PCDHGA1: variants seen among roughly 807,000 people sequenced by gnomAD.
PCDHGA1 encodes the protein protocadherin gamma-A1.
A neutral mutation model predicts 58.0 loss-of-function variants in PCDHGA1; 32 were observed. That is an observed-to-expected ratio of 0.55 (90% CI 0.42 to 0.74). The LOEUF (loss-of-function observed/expected upper bound fraction) is 0.74. Among genes scored for constraint, PCDHGA1 ranks in the 30% least tolerant of loss-of-function variants. PCDHGA1 has a pLI of 0.00. For missense variants in PCDHGA1, 1,205 were observed against 1,182.3 expected (o/e 1.02, Z -0.28); for synonymous variants, 498 against 501.1 (o/e 0.99, Z 0.08).
chr5:141,345,003 G>A, intron 1 of PCDHGA1: 1 of 1,613,918 alleles, frequency 6.2e-7, no homozygotes, highest in African/African-American at 1.3e-5. Flanking sequence ...AGCACAGGAT[G>A]GACCAGGTCT....
At chr5:141,398,284 G>A (rs1462851627) in intron 1 of PCDHGA1, 1 of 1,400,106 alleles carries the variant, frequency 7.1e-7, no homozygotes, top group Non-Finnish European at 9.8e-7. Flanking sequence ...CCTCGCCACG[G>A]ACCTGGGGTT....
intron 1 of PCDHGA1, among the ~76,000 whole-genome samples, chr5:141,347,877 T>C (rs1203882325): frequency 2.0e-5 from 3 of 152,196 alleles, no homozygotes; most frequent in Non-Finnish European, 2.9e-5. Flanking sequence ...TGTGTATTCA[T>C]TTTGATTTCA....
intron 1 of PCDHGA1, chr5:141,409,177 T>C: frequency 3.1e-6 from 5 of 1,613,944 alleles, no homozygotes; most frequent in Non-Finnish European, 4.2e-6. Context: ...AGGACGGAGG[T>C]GGTCTCTCTA....
intron 1 of PCDHGA1, among the ~76,000 whole-genome samples, chr5:141,453,095 G>T (rs1254113352): frequency 6.6e-6 from 1 of 151,962 alleles, no homozygotes; most frequent in African/African-American, 2.4e-5. Flanking sequence ...TATATTTTCT[G>T]TTGCTTTTTT....
chr5:141,420,492 TC>T (rs1172385190), intron 1 of PCDHGA1: 8 of 508,012 alleles, frequency 1.6e-5, no homozygotes, highest in Non-Finnish European at 1.8e-5. Flanking sequence ...ATGGGTAATC[TC>T]CGGTGACATT....
chr5:141,340,747 G>A (rs890843196), intron 1 of PCDHGA1: 1 of 1,614,084 alleles, frequency 6.2e-7, no homozygotes, highest in Non-Finnish European at 8.5e-7. Flanking sequence ...CCAAGGTGGT[G>A]GCGGTGGACA....
chr5:141,385,048 C>A, intron 1 of PCDHGA1: 1 of 1,614,150 alleles, frequency 6.2e-7, no homozygotes, highest in Non-Finnish European at 8.5e-7. Flanking sequence ...GCTCAGGCTG[C>A]GGCGCTGGCA....
intron 1 of PCDHGA1, chr5:141,345,585 A>C (rs780781999): frequency 6.2e-6 from 10 of 1,614,190 alleles, no homozygotes; most frequent in Non-Finnish European, 6.8e-6. Flanking sequence ...ATACGCGCTG[A>C]GATCCTTCGA....
At chr5:141,446,798 T>C (rs1223789118) in intron 1 of PCDHGA1, among the ~76,000 whole-genome samples, 1 of 152,160 alleles carries the variant, frequency 6.6e-6, no homozygotes, top group Non-Finnish European at 1.5e-5. Flanking sequence ...AGTTCTTCCA[T>C]TGTGATCATC....
At chr5:141,373,070 A>G (rs1217511247) in intron 1 of PCDHGA1, among the ~76,000 whole-genome samples, 2 of 152,206 alleles carry the variant, frequency 1.3e-5, no homozygotes, top group Non-Finnish European at 2.9e-5. Context: ...AACATTTTTA[A>G]TACAGTATTA....
At chr5:141,414,812 T>C (rs1389980970) in intron 1 of PCDHGA1, 1 of 1,614,172 alleles carries the variant, frequency 6.2e-7, no homozygotes, top group South Asian at 1.1e-5. Flanking sequence ...GATCCTCCAC[T>C]CAGCAGCAAC....
chr5:141,401,467 G>A (rs1248119954), intron 1 of PCDHGA1, among the ~76,000 whole-genome samples: 1 of 152,196 alleles, frequency 6.6e-6, no homozygotes, highest in Non-Finnish European at 1.5e-5. Context: ...AATTTTCTAA[G>A]TTTATCCAGG....
rs1024686607 is a variant in PCDHGA1, at chr5:141,487,597, T to C, written c.2422-7210T>C. 6.2e-7 allele frequency: 1 copy of C among 1,614,178 alleles called. No homozygotes were observed. The highest frequency in any genetic ancestry group is 8.5e-7 in the Non-Finnish European group (1 of 1,180,040). ...TTCGCCCAAGCTGCCCACCCTCTGA[T>C]CTTCTCTATGGGCTAGAGGTGAGAC... On this transcript the variant is annotated intron_variant, in intron 1 of 3. Coordinates refer to ENST00000517417, the MANE Select transcript of PCDHGA1 (RefSeq NM_018912.3). The surrounding 1 kb of genome is among the most constrained non-coding windows in gnomAD (Gnocchi z 5.0).
chr5:141,339,648 C>T (rs771505871), intron 1 of PCDHGA1: 1 of 1,614,208 alleles, frequency 6.2e-7, no homozygotes, highest in Non-Finnish European at 8.5e-7. Context: ...TCTGGCACCT[C>T]CCGCATCTGC....
intron 1 of PCDHGA1, among the ~76,000 whole-genome samples, chr5:141,452,350 A>G (rs1355934993): frequency 6.6e-6 from 1 of 152,212 alleles, no homozygotes; most frequent in Admixed American, 6.5e-5. Context: ...CCATTTATCC[A>G]AAAGCCTTGC....
rs779656906 is a variant in PCDHGA1 at position 141,476,872 on chromosome 5, C to T, written c.2422-17935C>T. On this transcript the variant is annotated intron_variant, in intron 1 of 3. Transcript: ENST00000517417. The surrounding 1 kb of genome is among the most constrained non-coding windows in gnomAD (Gnocchi z 7.6). ...TCAACCAGTCCTTGTACCGGGCGCG[C>T]GTCCTGGAGGATGCACCCTCCGGCA... 1.6e-4 allele frequency: 254 copies of T among 1,613,734 alleles called. No individual in the cohort carries two copies. The highest frequency in any genetic ancestry group is 2.1e-4 in the Non-Finnish European group (248 of 1,180,054).
In PCDHGA1 at chr5:141,374,282, G is replaced by A. The variant is rs753347582; in HGVS notation, c.2421+41177G>A. 7 of 1,613,854 alleles carry A rather than the reference G, an allele frequency of 4.3e-6. No individual in the cohort carries two copies. In the East Asian group the frequency reaches 8.9e-5, roughly 21 times the overall value. On this transcript the variant is annotated intron_variant, in intron 1 of 3. Transcript: ENST00000517417. ...GTTGGCGGAGCACGGAGTCCGCATC[G>A]TCTCCAGAGGTAGGATGCAGCTTTT...
chr5:141,448,439 C>T (rs182359185), intron 1 of PCDHGA1, among the ~76,000 whole-genome samples: 7 of 152,232 alleles, frequency 4.6e-5, no homozygotes, highest in Admixed American at 4.6e-4. Context: ...ATTGAGAAGT[C>T]TGACTTCCAT....
intron 1 of PCDHGA1, chr5:141,340,076 T>G: frequency 6.2e-7 from 1 of 1,614,162 alleles, no homozygotes; most frequent in South Asian, 1.1e-5. Flanking sequence ...AATTGGGCTT[T>G]TTAATGTACA....
Sources: allele counts gnomAD v4.1 joint callset (sites outside exome capture counted in the v4.1 genomes callset), GRCh38; gene constraint gnomAD v4.1.1; non-coding constraint Gnocchi (gnomAD v3.1); transcripts MANE v1.5; gene names NCBI Gene and HGNC (gene_info 2026-07-23, HGNC 2026-07-21).